Variants in PTPRO observed in about 807,000 individuals in gnomAD.
The protein encoded by PTPRO is receptor-type tyrosine-protein phosphatase O.
A neutral mutation model predicts 145.2 loss-of-function variants in PTPRO; 62 were observed. The observed-to-expected ratio is 0.43, with a 90% CI of 0.35 to 0.53. The LOEUF (loss-of-function observed/expected upper bound fraction) is 0.53. Among genes scored for constraint, PTPRO ranks in the 20% least tolerant of loss-of-function variants. PTPRO has a pLI of 0.01. For missense variants in PTPRO, 1,345 were observed against 1,482.7 expected (o/e 0.91, Z 1.53); for synonymous variants, 565 against 514.7 (o/e 1.10, Z -1.32).
intron 1 of PTPRO, among the ~76,000 whole-genome samples, chr12:15,445,715 GA>G (rs933343978): frequency 2.6e-5 from 4 of 151,788 alleles, no homozygotes; most frequent in Admixed American, 1.3e-4. Context: ...TCTCCATTTA[GA>G]AAAAAAATTA....
At chr12:15,591,343 C>G (rs763836683) in intron 25 of PTPRO, among the ~76,000 whole-genome samples, 11 of 151,616 alleles carry the variant, frequency 7.3e-5, no homozygotes, top group Non-Finnish European at 1.5e-4. Flanking sequence ...TGCACTCCAG[C>G]CTGGGCGACA....
rs564571311 is a variant in PTPRO at position 15,447,129 on chromosome 12, C to A, written c.76-36845C>A. Among the ~76,000 whole-genome samples the A allele has an allele frequency of 7.2e-4, 109 of 152,232 alleles. 1 individual carries two copies. Among genetic ancestry groups the A allele is most frequent in the Middle Eastern group, 3.4e-3 (1 of 294 alleles). ...CTGGAAAGAATAAGGTTTTAGAGAACCAGCCCTATGGATTGATCATTGGTT... is the reference window on the plus strand; with the variant it reads ...CTGGAAAGAATAAGGTTTTAGAGAAACAGCCCTATGGATTGATCATTGGTT... On this transcript the variant is annotated intron_variant, in intron 1 of 26. Transcript: ENST00000281171.
intron 1 of PTPRO, among the ~76,000 whole-genome samples, chr12:15,420,029 C>T (rs1940093949): frequency 6.6e-6 from 1 of 151,214 alleles, no homozygotes; most frequent in African/African-American, 2.5e-5. Context: ...CGCCCATAGT[C>T]CCAGCTACTC....
At chr12:15,583,569 C>T (rs1241257478) in intron 23 of PTPRO, among the ~76,000 whole-genome samples, 1 of 151,868 alleles carries the variant, frequency 6.6e-6, no homozygotes, top group Non-Finnish European at 1.5e-5. Context: ...ATTCAAATTT[C>T]AATGTCCATA....
At chr12:15,403,071 A>T (rs1051854285) in intron 1 of PTPRO, among the ~76,000 whole-genome samples, 2 of 152,164 alleles carry the variant, frequency 1.3e-5, no homozygotes, top group African/African-American at 4.8e-5. Context: ...TTTCTTATTC[A>T]TCTGAGAGTT....
At chr12:15,529,548 C>A (rs968113850) in intron 12 of PTPRO, among the ~76,000 whole-genome samples, 1 of 151,814 alleles carries the variant, frequency 6.6e-6, no homozygotes, top group Non-Finnish European at 1.5e-5. Flanking sequence ...GAGGCTGAGG[C>A]AGGAGGATCA....
At chr12:15,522,288 T>C (rs1011104740) in intron 10 of PTPRO, among the ~76,000 whole-genome samples, 1 of 151,672 alleles carries the variant, frequency 6.6e-6, no homozygotes, top group Non-Finnish European at 1.5e-5. Context: ...CTGGGATACA[T>C]GTACAGAACA....
At chr12:15,365,045 A>G (rs10161094) in intron 1 of PTPRO, among the ~76,000 whole-genome samples, 31,135 of 152,078 alleles carry the variant, frequency 0.2, 3,689 homozygotes, top group Non-Finnish European at 0.27. Context: ...TCTTTTCACA[A>G]TTAGGCTTTG....
At chr12:15,442,366 A>G (rs1310691270) in intron 1 of PTPRO, among the ~76,000 whole-genome samples, 1 of 152,176 alleles carries the variant, frequency 6.6e-6, no homozygotes, top group Non-Finnish European at 1.5e-5. Context: ...AAAGCAATCT[A>G]TGACAAACCC....
At chr12:15,539,689 G>A (rs1447072354) in intron 12 of PTPRO, among the ~76,000 whole-genome samples, 1 of 133,754 alleles carries the variant, frequency 7.5e-6, no homozygotes, top group Non-Finnish European at 1.5e-5. Flanking sequence ...TTGAACCCGG[G>A]AGGCGGAGGT....
rs201469646 is a variant in PTPRO, at chr12:15,390,557, GA to G, written c.75+67757del. ...CTCCCACAACACGCGGGAATTATGG[GA>G]GCTACAATTCAAGATAAGATTTGGG... On this transcript the variant is annotated intron_variant, in intron 1 of 26. Transcript: ENST00000281171. Among the ~76,000 whole-genome samples, 1,308 of 152,164 alleles carry G rather than the reference GA, an allele frequency of 8.6e-3. 22 individuals are homozygous for G. Among genetic ancestry groups the G allele is most frequent in the African/African-American group, 0.03 (1,255 of 41,512 alleles).
At chr12:15,506,746 A>C (rs745729721) in intron 6 of PTPRO, among the ~76,000 whole-genome samples, 38 of 152,196 alleles carry the variant, frequency 2.5e-4, no homozygotes, top group Non-Finnish European at 4.4e-4. Flanking sequence ...ATTCGAGATG[A>C]TATTTGAGTG....
At chr12:15,513,206 A>G (rs58513373) in intron 7 of PTPRO, among the ~76,000 whole-genome samples, 37,221 of 106,380 alleles carry the variant, frequency 0.35, 8,406 homozygotes, top group Non-Finnish European at 0.4. Flanking sequence ...AGAAAGAAAG[A>G]AAGAAAGAAA....
At chr12:15,339,206 G>A (rs1866884008) in intron 1 of PTPRO, among the ~76,000 whole-genome samples, 1 of 152,118 alleles carries the variant, frequency 6.6e-6, no homozygotes, top group Non-Finnish European at 1.5e-5. Context: ...ACAGTTAAGA[G>A]CAGGTTAAGG....
chr12:15,523,127 A>G lies in PTPRO; in HGVS notation c.1892-1687A>G, dbSNP rs116006682. On this transcript the variant is annotated intron_variant, in intron 10 of 26. Transcript: ENST00000281171. ...TATATAAGTGCTACTCGTATTTCAC[A>G]TGAAACAAATGCATTTTTACTTCAT... is the stretch of plus-strand genomic sequence containing the variant. Among the ~76,000 whole-genome samples the G allele has an allele frequency of 5.7e-3, 875 of 152,368 alleles. 10 individuals are homozygous for G. Among genetic ancestry groups the G allele is most frequent in the African/African-American group, 0.02 (840 of 41,586 alleles).
chr12:15,587,380 A>G (rs1311484541), intron 24 of PTPRO, among the ~76,000 whole-genome samples: 3 of 152,244 alleles, frequency 2.0e-5, no homozygotes, highest in Non-Finnish European at 1.5e-5. Flanking sequence ...TGCAAAGATC[A>G]TGCCCTTAAT....
At chr12:15,458,936 A>G (rs1344421385) in intron 1 of PTPRO, among the ~76,000 whole-genome samples, 2 of 152,120 alleles carry the variant, frequency 1.3e-5, no homozygotes, top group Admixed American at 6.6e-5. Flanking sequence ...TATACAAAAC[A>G]GCTACCTCTT....
chr12:15,594,851 A>C (rs991474909), intron 25 of PTPRO, 86 bp from the exon 26 acceptor site: 1 of 952,614 alleles, frequency 1.0e-6, no homozygotes, highest in African/African-American at 1.6e-5. Flanking sequence ...TTAACACCAG[A>C]TCTTGATCAT....
chr12:15,510,583 T>A (rs1942417573), intron 7 of PTPRO, among the ~76,000 whole-genome samples: 1 of 152,172 alleles, frequency 6.6e-6, no homozygotes, highest in Non-Finnish European at 1.5e-5. Flanking sequence ...TACAATATCT[T>A]CTCAAAATGC....
Sources: gnomAD v4.1 joint callset for allele counts (sites outside exome capture counted in the v4.1 genomes callset) on GRCh38, gnomAD v4.1.1 for gene constraint, MANE v1.5 for transcripts, NCBI Gene and HGNC (gene_info 2026-07-23, HGNC 2026-07-21) for gene names.